Variants in JMY observed in about 807,000 individuals in gnomAD.
JMY encodes junction-mediating and -regulatory protein.
A neutral mutation model predicts 103.3 loss-of-function variants in JMY; 46 were observed. The ratio of observed to expected loss-of-function variants is 0.45; its 90% CI spans 0.35 to 0.57. The LOEUF is 0.57. Among genes scored for constraint, JMY ranks in the 20% least tolerant of loss-of-function variants. The pLI is 0.00. For missense variants in JMY, 1,238 were observed against 1,255.2 expected (o/e 0.99, Z 0.21); for synonymous variants, 526 against 489.3 (o/e 1.07, Z -0.99).
intron 2 of JMY, among the ~76,000 whole-genome samples, chr5:79,285,462 G>A (rs910987491): frequency 2.6e-5 from 4 of 152,120 alleles, no homozygotes; most frequent in Non-Finnish European, 4.4e-5. Flanking sequence ...TGCATCCACC[G>A]CATGCACACT....
intron 7 of JMY, among the ~76,000 whole-genome samples, chr5:79,310,937 C>T (rs1037226853): frequency 2.0e-5 from 3 of 152,018 alleles, no homozygotes; most frequent in Admixed American, 6.6e-5. Context: ...CCCAGGAGTT[C>T]GAGACCAGGC....
At chr5:79,317,344 G>A (rs1305564471) in intron 10 of JMY, among the ~76,000 whole-genome samples, 1 of 151,858 alleles carries the variant, frequency 6.6e-6, no homozygotes, top group African/African-American at 2.4e-5. Context: ...GATTCTCTTT[G>A]GTTACACATG....
At position 79,318,741 on chromosome 5, in the gene JMY, A is replaced by AAT. The variant is rs71830021; in HGVS notation, c.*3+2451_*3+2452dup. 5.5e-3 allele frequency among the ~76,000 whole-genome samples: 737 copies of AAT among 134,558 alleles called. 2 individuals carry two copies. Among genetic ancestry groups the AAT allele is most frequent in the East Asian group, 0.014 (63 of 4,548 alleles). The allele number at this position is 134,558 out of a possible 152,430, so 88.3% of individuals were successfully genotyped here. Reference sequence around the variant, plus strand: ...ATATGTCCACTATGCTTTGTAAAGGAATATATATATATATATATATAGAGA... The same window carrying AAT: ...ATATGTCCACTATGCTTTGTAAAGGAATATATATATATATATATATATAGAGA... On this transcript the variant is annotated intron_variant, in intron 10 of 10. Transcript: ENST00000396137.
intron 8 of JMY, 93 bp downstream of exon 8, chr5:79,312,591 A>C (rs1747089085): frequency 6.4e-6 from 4 of 625,598 alleles, no homozygotes; most frequent in African/African-American, 1.9e-5. Context: ...TGTGGGAAAA[A>C]CTTGGTTTTC....
chr5:79,261,724 G>T (rs1261250955), intron 1 of JMY, among the ~76,000 whole-genome samples: 1 of 152,100 alleles, frequency 6.6e-6, no homozygotes, highest in Non-Finnish European at 1.5e-5. Context: ...TGTCTCCCGG[G>T]CATATTTCCT....
In JMY at chr5:79,274,018, A is replaced by G. The variant is rs556935055; in HGVS notation, c.1033-3892A>G. ...GCTAATTTTTGTATTTTTAGTAGAG[A>G]TGGGGTTTCACCATGTTAACCAGGA... On this transcript the variant is annotated intron_variant, in intron 1 of 10. Coordinates refer to ENST00000396137, the MANE Select transcript of JMY (RefSeq NM_152405.5). Among the ~76,000 whole-genome samples the G allele has an allele frequency of 2.6e-5, 4 of 152,038 alleles. No homozygotes were observed. The East Asian group carries it at 7.8e-4, about 30-fold the overall frequency.
intron 1 of JMY, among the ~76,000 whole-genome samples, chr5:79,252,839 G>A (rs1287574105): frequency 6.6e-6 from 1 of 152,158 alleles, no homozygotes. Flanking sequence ...GTTTCTTGTA[G>A]GTAACAGATC....
chr5:79,238,682 C>T (rs1164053270), intron 1 of JMY, among the ~76,000 whole-genome samples: 2 of 115,118 alleles, frequency 1.7e-5, no homozygotes, highest in Non-Finnish European at 3.6e-5. Flanking sequence ...CAGTTTTGCT[C>T]CGTCTCCCAG....
intron 2 of JMY, among the ~76,000 whole-genome samples, chr5:79,285,346 G>T (rs1001000418): frequency 1.3e-5 from 2 of 151,160 alleles, no homozygotes; most frequent in African/African-American, 2.4e-5. Flanking sequence ...TTCATCAAGT[G>T]TAGAAATACA....
At chr5:79,285,061 A>G (rs2112092708) in intron 2 of JMY, 3 of 592,436 alleles carry the variant, frequency 5.1e-6, no homozygotes, top group Middle Eastern at 4.5e-4. Context: ...TTGATCAACC[A>G]TAAGCACTTC....
intron 6 of JMY, among the ~76,000 whole-genome samples, chr5:79,303,004 T>C (rs928502716): frequency 1.3e-5 from 2 of 152,150 alleles, no homozygotes; most frequent in Non-Finnish European, 2.9e-5. Context: ...CTCTGGTTTC[T>C]GGATTGGGCA....
chr5:79,270,466 A>AAT (rs1403782897), intron 1 of JMY, among the ~76,000 whole-genome samples: 1 of 106,900 alleles, frequency 9.4e-6, no homozygotes, highest in East Asian at 2.3e-4. Context: ...AAATATTTAA[A>AAT]ATGTATATTT....
At chr5:79,315,976 A>G in intron 9 of JMY, 24 bp from the exon 10 acceptor site, 1 of 1,603,738 alleles carries the variant, frequency 6.2e-7, no homozygotes, top group Non-Finnish European at 8.5e-7. Flanking sequence ...TAACTGTAAT[A>G]CTGTTCTGTT....
chr5:79,242,574 C>G (rs1246400659), intron 1 of JMY, among the ~76,000 whole-genome samples: 1 of 152,150 alleles, frequency 6.6e-6, no homozygotes, highest in East Asian at 1.9e-4. Context: ...CTGTGGACTT[C>G]ACCAAGGCTA....
intron 6 of JMY, among the ~76,000 whole-genome samples, chr5:79,302,102 A>AAC (rs1554052050): frequency 2.0e-5 from 3 of 150,636 alleles, no homozygotes; most frequent in African/African-American, 7.4e-5. Flanking sequence ...AAAAAAAAAA[A>AAC]CATTGCAGTG....
chr5:79,237,257 G>C lies in JMY; in HGVS notation c.607G>C (p.Glu203Gln). Residue 203 changes from glutamate to glutamine, a missense_variant, in exon 1 of 11, where the codon GAG becomes CAG. Coordinates refer to ENST00000396137, the MANE Select transcript of JMY (RefSeq NM_152405.5). ...IEVLEMVKED[E>Q]APLALSDAEQ... ...GGTGCTGGAAATGGTGAAGGAGGACGAGGCACCTCTGGCGCTCTCGGACGC... is the reference window on the plus strand; with the variant it reads ...GGTGCTGGAAATGGTGAAGGAGGACCAGGCACCTCTGGCGCTCTCGGACGC... The C allele has an allele frequency of 1.3e-6, 2 of 1,551,266 alleles. No individual in the cohort carries two copies. Among genetic ancestry groups the C allele is most frequent in the Non-Finnish European group, 1.7e-6 (2 of 1,147,246 alleles).
At chr5:79,320,977 A>C (rs755938598) in intron 10 of JMY, among the ~76,000 whole-genome samples, 2 of 152,264 alleles carry the variant, frequency 1.3e-5, no homozygotes, top group Non-Finnish European at 2.9e-5. Context: ...TTACTGTTTT[A>C]GATTTTTAAA....
At chr5:79,314,040 G>T (rs1747129805) in intron 8 of JMY, among the ~76,000 whole-genome samples, 1 of 152,148 alleles carries the variant, frequency 6.6e-6, no homozygotes, top group Non-Finnish European at 1.5e-5. Context: ...TGTATTTTTA[G>T]TAGTGACGGG....
chr5:79,270,939 C>T (rs149974020), intron 1 of JMY, among the ~76,000 whole-genome samples: 5 of 151,844 alleles, frequency 3.3e-5, no homozygotes, highest in South Asian at 2.1e-4. Context: ...TGATTATTGA[C>T]TGTTGAGCTA....
Sources: allele counts gnomAD v4.1 joint callset (sites outside exome capture counted in the v4.1 genomes callset), GRCh38; gene constraint gnomAD v4.1.1; transcripts MANE v1.5; gene names NCBI Gene and HGNC (gene_info 2026-07-23, HGNC 2026-07-21).